C20orf96: variants seen among roughly 807,000 people sequenced by gnomAD.
C20orf96 encodes the protein uncharacterized protein C20orf96.
Under a neutral mutation model 52.6 loss-of-function variants are expected in C20orf96, and 57 were observed. That is an observed-to-expected ratio of 1.08 (90% CI 0.88 to 1.35). C20orf96 has a LOEUF of 1.35. Ranked by LOEUF, C20orf96 falls within the 40% of genes most tolerant of loss-of-function variation. C20orf96 has a pLI of 0.00. For synonymous variants in C20orf96, 168 were observed against 157.2 expected (o/e 1.07, Z -0.51); for missense variants, 478 against 443.6 (o/e 1.08, Z -0.70).
Position 284,017 on chromosome 20 carries a change from A to G in C20orf96, c.252T>C (p.His84=), listed in dbSNP as rs376594842. ...TCCCAGGGTCCAACTTCCGCCTTCT[A>G]TGTAGTTCTCTTGGATTCTTCGGCT... The part of the protein sequence containing the change: ...SCQPKNPREL[H]RRRKLDPGKM... The change falls in exon 4 of 11, where the codon CAT becomes CAC. Residue 84 remains histidine, a synonymous_variant. Coordinates refer to ENST00000360321, the MANE Select transcript of C20orf96 (RefSeq NM_153269.3). The G allele has an allele frequency of 4.3e-6, 7 of 1,614,104 alleles. No homozygotes were observed. The highest frequency in any genetic ancestry group is 5.1e-6 in the Non-Finnish European group (6 of 1,180,012).
intron 3 of C20orf96, among the ~76,000 whole-genome samples, chr20:288,454 G>C (rs965924752): frequency 6.6e-6 from 1 of 152,092 alleles, no homozygotes; most frequent in Non-Finnish European, 1.5e-5. Flanking sequence ...CCTGGCAGAA[G>C]ACAGTGCTCT....
Position 289,693 on chromosome 20 carries a change from C to T in C20orf96, c.70-17G>A, listed in dbSNP as rs1720279760. On this transcript the variant is annotated splice_polypyrimidine_tract_variant and intron_variant, in intron 2 of 10. Coordinates refer to ENST00000360321, the MANE Select transcript of C20orf96 (RefSeq NM_153269.3). Reference sequence around the variant, plus strand: ...AACATAATCCTACAAAATATACAATCAGTCACATAGCACCATGAGTTTATA... The same window carrying T: ...AACATAATCCTACAAAATATACAATTAGTCACATAGCACCATGAGTTTATA... 2 of 1,577,708 alleles carry T rather than the reference C, an allele frequency of 1.3e-6. No individual in the cohort carries two copies. The highest frequency in any genetic ancestry group is 1.3e-5 in the African/African-American group (1 of 74,244).
At chr20:274,203 G>A (rs2011943648) in intron 10 of C20orf96, among the ~76,000 whole-genome samples, 2 of 151,834 alleles carry the variant, frequency 1.3e-5, no homozygotes, top group Non-Finnish European at 1.5e-5. Flanking sequence ...TTTTTAGGAG[G>A]GAAAATGTGC....
intron 10 of C20orf96, among the ~76,000 whole-genome samples, chr20:275,118 C>G (rs1292870279): frequency 6.6e-6 from 1 of 152,128 alleles, no homozygotes; most frequent in Non-Finnish European, 1.5e-5. Context: ...CACCCAGCTC[C>G]TAAGAGTCAC....
At chr20:289,738 A>G (rs2012489208) in intron 2 of C20orf96, 62 bp from the exon 3 acceptor site, 2 of 1,358,648 alleles carry the variant, frequency 1.5e-6, no homozygotes, top group African/African-American at 1.4e-5. Context: ...TACCCTTTTC[A>G]GATATCTGTG....
chr20:283,020 A>G (rs2012291688), intron 4 of C20orf96, among the ~76,000 whole-genome samples: 1 of 152,236 alleles, frequency 6.6e-6, no homozygotes, highest in African/African-American at 2.4e-5. Flanking sequence ...TTTATATAGT[A>G]GTCATTGTTC....
rs1432047952 is a variant in C20orf96 at position 289,095 on chromosome 20, GACT to G, written c.187+461_187+463del. 2.0e-5 allele frequency among the ~76,000 whole-genome samples: 3 copies of G among 152,082 alleles called. No individual in the cohort carries two copies. The South Asian group carries it at 6.2e-4, about 32-fold the overall frequency. The stretch of plus-strand genomic sequence containing the variant: ...TCTTTTCCTCCTGGAAAAACAGATG[GACT>G]ACATTTCCCACCTTCCCTTGTGGTT... On this transcript the variant is annotated intron_variant, in intron 3 of 10. Transcript: ENST00000360321.
At chr20:273,903 AAGGGAGGGAGGGAGGGAGGGAGGG>A (rs1171376663) in intron 10 of C20orf96, among the ~76,000 whole-genome samples, 8 of 43,920 alleles carry the variant, frequency 1.8e-4, no homozygotes, top group Non-Finnish European at 3.3e-4. Flanking sequence ...GAAAGGAAGG[AAGGGAGGGAGGGAGGGAGGGAGGG>A]AGGGAGGGAG....
chr20:273,015 A>G (rs2011888880), intron 10 of C20orf96, among the ~76,000 whole-genome samples: 1 of 152,122 alleles, frequency 6.6e-6, no homozygotes, highest in Non-Finnish European at 1.5e-5. Flanking sequence ...TGCTCTATTA[A>G]GCAGGCTGGA....
In C20orf96 at chr20:290,696, G is replaced by T; in HGVS notation, c.-86C>A. ...CGGCTTTTCCAACTTCCTTGTCTCAGTGTAGATCGCGCGGTAACCCAGGCC... is the reference window on the plus strand; with the variant it reads ...CGGCTTTTCCAACTTCCTTGTCTCATTGTAGATCGCGCGGTAACCCAGGCC... On this transcript the variant is annotated 5_prime_UTR_variant, in exon 1 of 11. The change creates a new upstream start codon in the 5' untranslated region. Transcript: ENST00000360321. 6 of 1,549,174 alleles carry T rather than the reference G, an allele frequency of 3.9e-6. No homozygotes were observed. In the Admixed American group the frequency reaches 5.4e-5, roughly 14 times the overall value.
intron 3 of C20orf96, among the ~76,000 whole-genome samples, chr20:288,174 C>CTTTTTTTT (rs1237648367): frequency 3.0e-3 from 200 of 66,034 alleles, no homozygotes; most frequent in Non-Finnish European, 3.3e-3. Context: ...TTTTCTTTTT[C>CTTTTTTTT]TTTTTTTTTT....
chr20:279,428 C>T (rs1370076318), intron 4 of C20orf96, 98 bp from the exon 5 acceptor site: 51 of 1,334,688 alleles, frequency 3.8e-5, no homozygotes, highest in Non-Finnish European at 4.8e-5. Context: ...CGCCAGACGC[C>T]CGCCCCCGTG....
At chr20:276,182 G>T in intron 9 of C20orf96, 96 bp from the exon 10 acceptor site, 1 of 1,594,380 alleles carries the variant, frequency 6.3e-7, no homozygotes, top group Non-Finnish European at 8.6e-7. Flanking sequence ...AGCTATCTGG[G>T]GAAATGGTAT....
Position 277,045 on chromosome 20 carries a change from G to A in C20orf96, c.824C>T (p.Ala275Val), listed in dbSNP as rs759366822. The A allele has an allele frequency of 9.9e-6, 16 of 1,612,780 alleles. No individual in the cohort carries two copies. The East Asian group carries it at 1.3e-4, about 13-fold the overall frequency. The change falls in exon 8 of 11, where the codon GCG becomes GTG. Residue 275 changes from alanine to valine, a missense_variant and splice_region_variant. Transcript: ENST00000360321. ...KKKKILSSVV[A>V]ETQRPYEEAL... ...CCCACACAGCAACTGGCTACTCACC[G>A]CCACCACAGAACTCAGAATTTTTTT...
At chr20:278,194 T>C in intron 6 of C20orf96, 136 bp downstream of exon 6, 2 of 735,514 alleles carry the variant, frequency 2.7e-6, no homozygotes, top group South Asian at 3.0e-5. Flanking sequence ...GCTCTGTATC[T>C]TAGCATTCCC....
intron 10 of C20orf96, 58 bp from the exon 11 acceptor site, chr20:271,325 C>T (rs2011828917): frequency 1.4e-6 from 2 of 1,397,302 alleles, no homozygotes; most frequent in African/African-American, 1.4e-5. Flanking sequence ...GTGGGAGCAC[C>T]CACTCAGAGG....
Position 272,010 on chromosome 20 carries a change from A to G in C20orf96, c.1032-743T>C, listed in dbSNP as rs79991960. Among the ~76,000 whole-genome samples, 166 of 152,314 alleles carry G rather than the reference A, an allele frequency of 1.1e-3. 1 individual carries two copies. The East Asian group carries it at 0.025, about 23-fold the overall frequency. ...GAGACCATCCTCTCTCATGGTTTCA[A>G]TAATCTGCTGATACACATGAAGTAT... On this transcript the variant is annotated intron_variant, in intron 10 of 10. Coordinates refer to ENST00000360321, the MANE Select transcript of C20orf96 (RefSeq NM_153269.3).
At chr20:274,185 A>C (rs1242885592) in intron 10 of C20orf96, among the ~76,000 whole-genome samples, 2 of 151,778 alleles carry the variant, frequency 1.3e-5, no homozygotes, top group Non-Finnish European at 2.9e-5. Context: ...ACAGTGTGCC[A>C]TTTCTACTTT....
In C20orf96 at chr20:290,537, C is replaced by T. The variant is rs142214800; in HGVS notation, c.20+54G>A. ...CGGGACAGCGGCGGGGTGTGAAGTA[C>T]GCATGCGTATTCCGCCTTTCTTCCA... On this transcript the variant is annotated intron_variant, in intron 1 of 10. Coordinates refer to ENST00000360321, the MANE Select transcript of C20orf96 (RefSeq NM_153269.3). 1.6e-3 allele frequency: 2,484 copies of T among 1,584,486 alleles called. 28 individuals are homozygous for T. The African/African-American group carries it at 0.027, about 17-fold the overall frequency.
Sources: gnomAD v4.1 joint callset for allele counts (sites outside exome capture counted in the v4.1 genomes callset) on GRCh38, gnomAD v4.1.1 for gene constraint, MANE v1.5 for transcripts, NCBI Gene and HGNC (gene_info 2026-07-23, HGNC 2026-07-21) for gene names.